TMEM236: variants seen among roughly 807,000 people sequenced by gnomAD.
TMEM236 encodes the protein transmembrane protein 236, also known as family with sequence similarity 23, member A.
A neutral mutation model predicts 14.7 loss-of-function variants in TMEM236; 11 were observed. The observed-to-expected ratio is 0.75, with a 90% CI of 0.47 to 1.24. The LOEUF (loss-of-function observed/expected upper bound fraction) is 1.24. Among genes scored for constraint, TMEM236 ranks in the 50% most tolerant of loss-of-function variants. TMEM236 has a pLI of 0.00. For missense variants in TMEM236, 464 were observed against 427.3 expected (o/e 1.09, Z -0.76); for synonymous variants, 182 against 168.6 (o/e 1.08, Z -0.62).
At chr10:17,770,965 A>G (rs1302755664) in intron 1 of TMEM236, among the ~76,000 whole-genome samples, 2 of 152,194 alleles carry the variant, frequency 1.3e-5, no homozygotes, top group African/African-American at 4.8e-5. Context: ...CATGCTGTTC[A>G]TTTATTCAGT....
At chr10:17,763,494 C>A (rs1335418665) in intron 1 of TMEM236, among the ~76,000 whole-genome samples, 1 of 152,176 alleles carries the variant, frequency 6.6e-6, no homozygotes, top group Non-Finnish European at 1.5e-5. Flanking sequence ...ATTCATCCTT[C>A]CTACCCATCC....
At chr10:17,789,678 C>G (rs372079461) in intron 3 of TMEM236, among the ~76,000 whole-genome samples, 8,242 of 151,292 alleles carry the variant, frequency 0.054, 305 homozygotes, top group Non-Finnish European at 0.081. Flanking sequence ...GCCAGGTGTT[C>G]AAGACCAGCC....
chr10:17,789,066 A>G (rs1190727930), intron 3 of TMEM236, among the ~76,000 whole-genome samples: 2 of 152,168 alleles, frequency 1.3e-5, no homozygotes, highest in African/African-American at 4.8e-5. Context: ...ACCGATTTCA[A>G]GCTACCAAGG....
At chr10:17,777,794 A>G (rs1287213641) in intron 3 of TMEM236, among the ~76,000 whole-genome samples, 3 of 152,268 alleles carry the variant, frequency 2.0e-5, no homozygotes, top group Admixed American at 1.3e-4. Flanking sequence ...TCTGGAATGC[A>G]GCGGCATGAC....
rs1170907268 is a variant in TMEM236, at chr10:17,798,976, T to C, written c.*2472T>C. 2 of 312,448 alleles carry C rather than the reference T, an allele frequency of 6.4e-6. No homozygotes were observed. The highest frequency in any genetic ancestry group is 1.2e-5 in the Non-Finnish European group (2 of 161,808). 19.4% of individuals were successfully genotyped at this position (312,448 alleles called of 1,614,324 possible). A position where few individuals can be genotyped will look rare whatever the true frequency, so the allele number is the denominator to read the frequency against. ...GGGAATAATCATTTCAACTTTGCAT[T>C]TGTGAAAAATAATACATACAATCTT... On this transcript the variant is annotated 3_prime_UTR_variant, in exon 4 of 4. Transcript: ENST00000377495.
intron 3 of TMEM236, among the ~76,000 whole-genome samples, chr10:17,783,496 G>C (rs890582922): frequency 6.6e-6 from 1 of 152,242 alleles, no homozygotes; most frequent in Non-Finnish European, 1.5e-5. Flanking sequence ...AAATAAATCT[G>C]CTCCCAATGG....
intron 1 of TMEM236, among the ~76,000 whole-genome samples, chr10:17,766,444 G>A (rs1554834328): frequency 6.6e-6 from 1 of 152,154 alleles, no homozygotes; most frequent in African/African-American, 2.4e-5. Flanking sequence ...TCATGACAAT[G>A]TATCTACTCT....
At chr10:17,780,749 A>C (rs1837734141) in intron 3 of TMEM236, among the ~76,000 whole-genome samples, 1 of 152,190 alleles carries the variant, frequency 6.6e-6, no homozygotes, top group Non-Finnish European at 1.5e-5. Context: ...GGACATGGAC[A>C]CACACAAGGA....
At chr10:17,769,766 G>A (rs1247513619) in intron 1 of TMEM236, among the ~76,000 whole-genome samples, 2 of 152,270 alleles carry the variant, frequency 1.3e-5, no homozygotes, top group East Asian at 3.9e-4. Context: ...GGACATCTAA[G>A]ATGGTGCTGG....
chr10:17,783,679 C>T (rs1051736768), intron 3 of TMEM236, among the ~76,000 whole-genome samples: 2 of 152,190 alleles, frequency 1.3e-5, no homozygotes, highest in African/African-American at 4.8e-5. Context: ...AGTTAAATTG[C>T]TCCCTCTAAA....
At chr10:17,764,703 G>A (rs1377507343) in intron 1 of TMEM236, among the ~76,000 whole-genome samples, 1 of 152,072 alleles carries the variant, frequency 6.6e-6, no homozygotes, top group Non-Finnish European at 1.5e-5. Context: ...GGCTGTTGGT[G>A]GTTGCTGGCA....
chr10:17,756,475 T>C (rs1488336140), intron 1 of TMEM236, among the ~76,000 whole-genome samples: 2 of 152,068 alleles, frequency 1.3e-5, no homozygotes, highest in African/African-American at 4.8e-5. Context: ...TTTGTATTTT[T>C]AGTAGAGATG....
In TMEM236 at chr10:17,776,516, G is replaced by A. The variant is rs1033078996; in HGVS notation, c.472+346G>A. Among the ~76,000 whole-genome samples, 6 of 152,234 alleles carry A rather than the reference G, an allele frequency of 3.9e-5. No individual in the cohort carries two copies. The East Asian group carries it at 1.2e-3, about 29-fold the overall frequency. On this transcript the variant is annotated intron_variant, in intron 3 of 3. Coordinates refer to ENST00000377495, the MANE Select transcript of TMEM236 (RefSeq NM_001098844.3). ...AGTCTCTTAAAGCTTATGTTTAAAT[G>A]GATTAATAAAAAGCTTAGTTTGGAG... is the stretch of plus-strand genomic sequence containing the variant.
chr10:17,795,848 A>T (rs896609149), intron 3 of TMEM236, 73 bp from the exon 4 acceptor site: 3 of 1,454,940 alleles, frequency 2.1e-6, no homozygotes, highest in Admixed American at 1.8e-5. Context: ...ATGGAATTTT[A>T]AATTTGAATA....
rs1234841715 is a variant in TMEM236 at position 17,799,236 on chromosome 10, C to T, written c.*2732C>T. 3 of 157,088 alleles carry T rather than the reference C, an allele frequency of 1.9e-5. No homozygotes were observed. The highest frequency in any genetic ancestry group is 6.1e-5 in the Admixed American group (1 of 16,334). 9.7% of individuals were successfully genotyped at this position (157,088 alleles called of 1,614,324 possible). On this transcript the variant is annotated 3_prime_UTR_variant, in exon 4 of 4. Coordinates refer to ENST00000377495, the MANE Select transcript of TMEM236 (RefSeq NM_001098844.3). ...TCCTTAAAGGAAAGCCTGAGGGCAT[C>T]TTGTTTAACAATGCATCTCTCTCTT...
rs1255106000 is a variant in TMEM236, at chr10:17,796,522, G to C, written c.*18G>C. ...CATTTTAAAAAGGAAATGGGATCTA[G>C]TAAGGCCTCTTTGTGATACCTGTGT... On this transcript the variant is annotated 3_prime_UTR_variant, in exon 4 of 4. Transcript: ENST00000377495. 1.3e-6 allele frequency: 2 copies of C among 1,581,694 alleles called. No homozygotes were observed. The highest frequency in any genetic ancestry group is 1.7e-6 in the Non-Finnish European group (2 of 1,151,042).
chr10:17,760,128 T>C (rs1215824484), intron 1 of TMEM236, among the ~76,000 whole-genome samples: 1 of 150,624 alleles, frequency 6.6e-6, no homozygotes, highest in Non-Finnish European at 1.5e-5. Context: ...CTGAAGGAAA[T>C]GGAACTCACC....
At chr10:17,760,109 C>T (rs116335466) in intron 1 of TMEM236, among the ~76,000 whole-genome samples, 2,388 of 151,700 alleles carry the variant, frequency 0.016, 72 homozygotes, top group African/African-American at 0.055. Context: ...GCTGGACACA[C>T]GGGCTAACCT....
rs2131736672 is a variant in TMEM236 at position 17,752,245 on chromosome 10, C to T, written c.-51C>T. On this transcript the variant is annotated 5_prime_UTR_variant, in exon 1 of 4. Transcript: ENST00000377495. ...CAGTGTCTGTGGGTCCATATGCTGC[C>T]CACAGTCAAAGAGGGAGTCCCAGGT... is the stretch of plus-strand genomic sequence containing the variant. 1.2e-6 allele frequency: 2 copies of T among 1,613,818 alleles called. No homozygotes were observed. Among genetic ancestry groups the T allele is most frequent in the South Asian group, 2.2e-5 (2 of 91,026 alleles).
Sources: allele counts gnomAD v4.1 joint callset (sites outside exome capture counted in the v4.1 genomes callset), GRCh38; gene constraint gnomAD v4.1.1; transcripts MANE v1.5; gene names NCBI Gene and HGNC (gene_info 2026-07-23, HGNC 2026-07-21).